The following FHIT variants were observed in gnomAD, a reference collection of about 807,000 sequenced individuals.
FHIT encodes fragile histidine triad diadenosine triphosphatase.
Under a neutral mutation model 17.9 loss-of-function variants are expected in FHIT, and 19 were observed. That is an observed-to-expected ratio of 1.06 (90% confidence interval 0.74 to 1.56). FHIT has a LOEUF of 1.56. FHIT is among the 40% of genes most tolerant of loss of function. FHIT has a pLI of 0.00. For missense variants in FHIT, 248 were observed against 189.2 expected, an observed-to-expected ratio of 1.31 and a Z score of -1.82; for synonymous variants, 81 against 69.7, an observed-to-expected ratio of 1.16 and a Z score of -0.81.
intron 5 of FHIT, among the ~76,000 whole-genome samples, chr3:60,049,227 G>T (rs1012130453): frequency 2.6e-5 from 4 of 151,810 alleles, no homozygotes; most frequent in Admixed American, 2.6e-4. Flanking sequence ...TCTTCTATTT[G>T]TTTACATCAT....
chr3:60,660,727 C>CTTTTTT (rs1220817643), intron 4 of FHIT, among the ~76,000 whole-genome samples: 39 of 16,752 alleles, frequency 2.3e-3, no homozygotes, highest in African/African-American at 3.5e-3. Context: ...TTTTATTGTG[C>CTTTTTT]TCTTTTTTTT....
At chr3:60,862,845 C>T (rs1187976025) in intron 3 of FHIT, among the ~76,000 whole-genome samples, 2 of 142,232 alleles carry the variant, frequency 1.4e-5, no homozygotes, top group Admixed American at 6.9e-5. Context: ...GAGTGAAACT[C>T]CCTCTCAAAA....
chr3:61,102,579 A>G (rs1559983640), intron 2 of FHIT, among the ~76,000 whole-genome samples: 1 of 152,216 alleles, frequency 6.6e-6, no homozygotes, highest in Non-Finnish European at 1.5e-5. Context: ...AAAATGAGTT[A>G]GGGAGGATTC....
intron 2 of FHIT, among the ~76,000 whole-genome samples, chr3:61,090,821 G>A (rs147793347): frequency 3.0e-4 from 46 of 152,178 alleles, no homozygotes; most frequent in African/African-American, 1.0e-3. Context: ...AAATCAATAG[G>A]AAAAATTTGA....
intron 3 of FHIT, among the ~76,000 whole-genome samples, chr3:60,966,677 G>A (rs1312796186): frequency 6.6e-6 from 1 of 152,236 alleles, no homozygotes; most frequent in African/African-American, 2.4e-5. Flanking sequence ...TCAAGCTACA[G>A]TGTGGAAAAT....
At chr3:60,297,539 A>G (rs895101204) in intron 5 of FHIT, among the ~76,000 whole-genome samples, 4 of 151,666 alleles carry the variant, frequency 2.6e-5, no homozygotes, top group Non-Finnish European at 1.5e-5. Context: ...AAGATTCCTT[A>G]GACTTTTCTA....
chr3:60,598,559 A>G (rs568786333), intron 4 of FHIT, among the ~76,000 whole-genome samples: 1 of 152,344 alleles, frequency 6.6e-6, no homozygotes, highest in East Asian at 1.9e-4. Context: ...TGCATTTTAA[A>G]AGTTTAATTA....
chr3:60,862,359 G>A (rs556985795), intron 3 of FHIT, among the ~76,000 whole-genome samples: 102 of 151,828 alleles, frequency 6.7e-4, no homozygotes, highest in African/African-American at 2.2e-3. Context: ...ATAGAGACGC[G>A]GTCTCACTTT....
chr3:60,917,874 G>C (rs1553767412), intron 3 of FHIT, among the ~76,000 whole-genome samples: 1 of 152,138 alleles, frequency 6.6e-6, no homozygotes, highest in Non-Finnish European at 1.5e-5. Flanking sequence ...ATGAGAAGAA[G>C]CAAAGATAAA....
intron 3 of FHIT, among the ~76,000 whole-genome samples, chr3:60,861,170 GTTCTA>G (rs1337732236): frequency 0.034 from 17 of 504 alleles, 1 homozygote; most frequent in African/African-American, 0.089. Context: ...TATATCATAT[GTTCTA>G]TGATATATAT....
intron 3 of FHIT, among the ~76,000 whole-genome samples, chr3:60,965,787 C>T (rs554212604): frequency 6.6e-6 from 1 of 152,260 alleles, no homozygotes; most frequent in Non-Finnish European, 1.5e-5. Flanking sequence ...GCTGCCTGAT[C>T]CTTCCTCTGA....
intron 4 of FHIT, among the ~76,000 whole-genome samples, chr3:60,723,690 A>T (rs1475603991): frequency 6.6e-6 from 1 of 152,144 alleles, no homozygotes; most frequent in African/African-American, 2.4e-5. Flanking sequence ...TGTTGATTTT[A>T]CTTTGTGTTC....
intron 5 of FHIT, among the ~76,000 whole-genome samples, chr3:60,231,320 C>T (rs140136188): frequency 6.6e-6 from 1 of 152,302 alleles, no homozygotes; most frequent in East Asian, 1.9e-4. Flanking sequence ...TTAAGTATAA[C>T]TGACACACAT....
intron 7 of FHIT, among the ~76,000 whole-genome samples, chr3:59,999,102 C>G (rs1344261643): frequency 6.6e-6 from 1 of 152,010 alleles, no homozygotes; most frequent in African/African-American, 2.4e-5. Flanking sequence ...ATTGATGTCC[C>G]TGACTCGGGT....
At chr3:60,492,679 G>C (rs1310035372) in intron 5 of FHIT, among the ~76,000 whole-genome samples, 2 of 151,792 alleles carry the variant, frequency 1.3e-5, no homozygotes, top group Non-Finnish European at 2.9e-5. Context: ...GCTAATTTTT[G>C]TATTTTTAGT....
chr3:61,069,554 A>G (rs2034731512), intron 2 of FHIT, among the ~76,000 whole-genome samples: 1 of 152,196 alleles, frequency 6.6e-6, no homozygotes, highest in Admixed American at 6.5e-5. Flanking sequence ...TAAACTAGGT[A>G]TTGTTCTCTG....
chr3:60,099,067 C>T (rs530508853), intron 5 of FHIT, among the ~76,000 whole-genome samples: 1 of 152,228 alleles, frequency 6.6e-6, no homozygotes, highest in East Asian at 1.9e-4. Flanking sequence ...AGTATAACTG[C>T]CTCTGCCTCT....
rs961807787 is a variant in FHIT, at chr3:59,854,705, T to C, written c.348+67641A>G. Among the ~76,000 whole-genome samples, 7 of 152,160 alleles carry C rather than the reference T, an allele frequency of 4.6e-5. 1 individual carries two copies. The highest frequency in any genetic ancestry group is 6.3e-3 in the Middle Eastern group (2 of 316). ...TTTTCACAGGCACAAAGCTGGTAAT[T>C]GGTAGATCTGGGATTTGAACCGAGG... is the stretch of plus-strand genomic sequence containing the variant. On this transcript the variant is annotated intron_variant, in intron 8 of 9. Coordinates refer to ENST00000492590, the MANE Select transcript of FHIT (RefSeq NM_002012.4).
At chr3:60,108,189 G>C (rs1200272681) in intron 5 of FHIT, among the ~76,000 whole-genome samples, 1 of 152,226 alleles carries the variant, frequency 6.6e-6, no homozygotes, top group Admixed American at 6.5e-5. Flanking sequence ...TCCACTTCGG[G>C]GTTATTTCCA....
Sources: gnomAD v4.1 joint callset for allele counts (sites outside exome capture counted in the v4.1 genomes callset) on GRCh38, gnomAD v4.1.1 for gene constraint, MANE v1.5 for transcripts, NCBI Gene and HGNC (gene_info 2026-07-23, HGNC 2026-07-21) for gene names.